CSMD1: variants seen among roughly 807,000 people sequenced by gnomAD.
CSMD1 encodes the protein CUB and Sushi multiple domains 1.
In CSMD1, 213 loss-of-function variants were observed where a neutral mutation model predicts 417.5. The observed-to-expected ratio is 0.51, with a 90% confidence interval of 0.46 to 0.57. The LOEUF (loss-of-function observed/expected upper bound fraction) is 0.57, where lower values mean the gene tolerates loss of function less well. Among genes scored for constraint, CSMD1 ranks in the 20% least tolerant of loss-of-function variants. The pLI is 0.00. For synonymous variants in CSMD1, 2,862 were observed against 1,736.8 expected, an observed-to-expected ratio of 1.65 and a Z score of -16.11; for missense variants, 6,923 against 4,529.7, an observed-to-expected ratio of 1.53 and a Z score of -15.17.
intron 21 of CSMD1, among the ~76,000 whole-genome samples, chr8:3,354,300 G>T (rs555156400): frequency 7.9e-5 from 12 of 152,282 alleles, no homozygotes; most frequent in African/African-American, 2.9e-4. Context: ...ATAATGGCTG[G>T]AAGTAAAGGT....
intron 5 of CSMD1, among the ~76,000 whole-genome samples, chr8:3,824,024 T>G (rs1172348133): frequency 6.6e-6 from 1 of 152,164 alleles, no homozygotes; most frequent in African/African-American, 2.4e-5. Context: ...TGCCTGAATA[T>G]TCCCTCTGCC....
At chr8:3,513,297 G>T (rs962703135) in intron 10 of CSMD1, among the ~76,000 whole-genome samples, 1 of 151,098 alleles carries the variant, frequency 6.6e-6, no homozygotes, top group East Asian at 1.9e-4. Flanking sequence ...TCTGAGTGAA[G>T]AAATCCATAG....
At position 4,598,779 on chromosome 8, in the gene CSMD1, T is replaced by G. The variant is rs547384967; in HGVS notation, c.302+38563A>C. Among the ~76,000 whole-genome samples the G allele has an allele frequency of 5.3e-5, 8 of 152,272 alleles. No homozygotes were observed. The East Asian group carries it at 1.5e-3, about 29-fold the overall frequency. ...TAAAGCTCTAAGTAGGTGGAAAATT[T>G]TTTTCAATCACAGAAATAGGTTGAG... is the stretch of plus-strand genomic sequence containing the variant. On this transcript the variant is annotated intron_variant, in intron 2 of 69. Transcript: ENST00000635120.
chr8:3,803,743 A>G (rs924743000), intron 5 of CSMD1, among the ~76,000 whole-genome samples: 1 of 152,170 alleles, frequency 6.6e-6, no homozygotes, highest in Non-Finnish European at 1.5e-5. Flanking sequence ...CCAGTGACGA[A>G]TCTTGATTAG....
chr8:3,063,700 G>A (rs546328589), intron 49 of CSMD1, among the ~76,000 whole-genome samples: 2 of 152,192 alleles, frequency 1.3e-5, no homozygotes, highest in African/African-American at 2.4e-5. Context: ...TGATGATCTT[G>A]AAGACACTAT....
chr8:4,092,602 T>C (rs1306384424), intron 3 of CSMD1, among the ~76,000 whole-genome samples: 1 of 152,230 alleles, frequency 6.6e-6, no homozygotes, highest in Admixed American at 6.5e-5. Flanking sequence ...GCATATCATC[T>C]TAAGCAATTA....
At chr8:4,570,880 T>C (rs1277200602) in intron 2 of CSMD1, among the ~76,000 whole-genome samples, 1 of 152,228 alleles carries the variant, frequency 6.6e-6, no homozygotes, top group Non-Finnish European at 1.5e-5. Context: ...GGAGAGTATG[T>C]GTACCCAGGA....
At chr8:4,415,297 C>G (rs534056396) in intron 3 of CSMD1, among the ~76,000 whole-genome samples, 68 of 152,310 alleles carry the variant, frequency 4.5e-4, no homozygotes, top group African/African-American at 1.5e-3. Context: ...GCTAAGCATT[C>G]TCAAAGACAG....
intron 4 of CSMD1, among the ~76,000 whole-genome samples, chr8:4,001,292 G>T (rs1019842256): frequency 2.0e-5 from 3 of 152,090 alleles, no homozygotes; most frequent in African/African-American, 7.2e-5. Flanking sequence ...TTTACAGGCA[G>T]CCAACATAAC....
At chr8:4,624,830 C>T (rs1802003641) in intron 2 of CSMD1, among the ~76,000 whole-genome samples, 1 of 152,140 alleles carries the variant, frequency 6.6e-6, no homozygotes, top group African/African-American at 2.4e-5. Flanking sequence ...TCAGAGTCCA[C>T]ATCACACCCA....
chr8:3,311,699 G>A (rs1469749716), intron 23 of CSMD1, among the ~76,000 whole-genome samples: 1 of 152,154 alleles, frequency 6.6e-6, no homozygotes, highest in Admixed American at 6.6e-5. Flanking sequence ...TTATAAAGTT[G>A]AAAAATTGTA....
chr8:3,660,541 A>C (rs13251048), intron 7 of CSMD1, among the ~76,000 whole-genome samples: 5 of 68,520 alleles, frequency 7.3e-5, no homozygotes, highest in Non-Finnish European at 1.1e-4. Context: ...TTTTTTTTGA[A>C]AAAAAACAAG....
intron 12 of CSMD1, among the ~76,000 whole-genome samples, chr8:3,412,495 T>C (rs1812874702): frequency 6.6e-6 from 1 of 152,140 alleles, no homozygotes; most frequent in Admixed American, 6.5e-5. Context: ...TCTAAGTGTC[T>C]GGGAATATCA....
intron 2 of CSMD1, among the ~76,000 whole-genome samples, chr8:4,461,817 T>A (rs1044197013): frequency 6.7e-6 from 1 of 149,828 alleles, no homozygotes; most frequent in African/African-American, 2.5e-5. Context: ...CTCAGCTCAC[T>A]GCAAGCTCCA....
At chr8:4,849,992 G>A (rs1801373223) in intron 1 of CSMD1, among the ~76,000 whole-genome samples, 2 of 152,260 alleles carry the variant, frequency 1.3e-5, no homozygotes, top group Admixed American at 1.3e-4. Flanking sequence ...ATTCCCACCA[G>A]CAGCAGACAT....
At chr8:3,120,383 G>C (rs1817128020) in intron 41 of CSMD1, among the ~76,000 whole-genome samples, 1 of 152,192 alleles carries the variant, frequency 6.6e-6, no homozygotes, top group African/African-American at 2.4e-5. Flanking sequence ...CAATATGTGG[G>C]CCTACAGCGT....
At position 3,707,617 on chromosome 8, in the gene CSMD1, T is replaced by C. The variant is rs535889955; in HGVS notation, c.1009+797A>G. On this transcript the variant is annotated intron_variant, in intron 7 of 69. Coordinates refer to ENST00000635120, the MANE Select transcript of CSMD1 (RefSeq NM_033225.6). Reference sequence around the variant, plus strand: ...AGTGAAGCTGGTACCCAGTAACTGTTATGACATGTGTAAGGTCGTGTGGGG... The same window carrying C: ...AGTGAAGCTGGTACCCAGTAACTGTCATGACATGTGTAAGGTCGTGTGGGG... Among the ~76,000 whole-genome samples, 4 of 152,282 alleles carry C rather than the reference T, an allele frequency of 2.6e-5. No individual in the cohort carries two copies. In the East Asian group the frequency reaches 5.8e-4, roughly 22 times the overall value.
intron 2 of CSMD1, among the ~76,000 whole-genome samples, chr8:4,528,088 G>A (rs537354706): frequency 6.6e-6 from 1 of 152,186 alleles, no homozygotes; most frequent in African/African-American, 2.4e-5. Context: ...ATATGCTTCA[G>A]ATGGGTTTGC....
At chr8:3,951,377 T>A (rs760301820) in intron 5 of CSMD1, among the ~76,000 whole-genome samples, 1 of 152,206 alleles carries the variant, frequency 6.6e-6, no homozygotes, top group Non-Finnish European at 1.5e-5. Flanking sequence ...AATAAGTTTG[T>A]TAATTAAATG....
Sources: allele counts gnomAD v4.1 joint callset (sites outside exome capture counted in the v4.1 genomes callset), GRCh38; gene constraint gnomAD v4.1.1; transcripts MANE v1.5; gene names NCBI Gene and HGNC (gene_info 2026-07-23, HGNC 2026-07-21).